DPP10: variants seen among roughly 807,000 people sequenced by gnomAD.
The protein encoded by DPP10 is dipeptidyl peptidase like 10.
DPP10 carries 33 observed loss-of-function variants against 120.9 expected under a neutral mutation model. The observed-to-expected ratio is 0.27, with a 90% CI of 0.21 to 0.37. DPP10 has a LOEUF of 0.37. DPP10 is among the 10% of genes least tolerant of loss of function. The probability of loss-of-function intolerance (pLI) is 1.00; values close to 1 mark genes in which losing one functional copy is unlikely to be tolerated. For synonymous variants in DPP10, 337 were observed against 326.1 expected (o/e 1.03, Z -0.36); for missense variants, 816 against 942.8 (o/e 0.87, Z 1.76).
intron 1 of DPP10, among the ~76,000 whole-genome samples, chr2:115,079,929 G>C (rs916443158): frequency 6.6e-6 from 1 of 152,210 alleles, no homozygotes; most frequent in South Asian, 2.1e-4. Flanking sequence ...CACATAAGGA[G>C]AGGCTTTGTG....
chr2:114,918,443 G>T (rs1385993433), intron 1 of DPP10, among the ~76,000 whole-genome samples: 1 of 152,066 alleles, frequency 6.6e-6, no homozygotes, highest in Non-Finnish European at 1.5e-5. Flanking sequence ...TCTCATTACT[G>T]GGTACTTACC....
chr2:114,592,537 G>A (rs1691547818), intron 1 of DPP10, among the ~76,000 whole-genome samples: 1 of 151,990 alleles, frequency 6.6e-6, no homozygotes, highest in Non-Finnish European at 1.5e-5. Context: ...GATTTCATGA[G>A]GAATATGCTT....
intron 1 of DPP10, among the ~76,000 whole-genome samples, chr2:114,899,881 A>T (rs1427740834): frequency 6.6e-6 from 1 of 152,178 alleles, no homozygotes; most frequent in African/African-American, 2.4e-5. Context: ...AATGGCGTGA[A>T]CCCGGGAGGT....
At chr2:114,976,973 T>C (rs1302938335) in intron 1 of DPP10, among the ~76,000 whole-genome samples, 3 of 152,202 alleles carry the variant, frequency 2.0e-5, no homozygotes, top group Non-Finnish European at 4.4e-5. Context: ...GGTCTTTTTC[T>C]TCACATTCAC....
At chr2:114,554,644 G>C (rs759512742) in intron 1 of DPP10, among the ~76,000 whole-genome samples, 11 of 152,196 alleles carry the variant, frequency 7.2e-5, no homozygotes, top group Non-Finnish European at 1.5e-4. Context: ...TGTAGGGACA[G>C]TTTCTTATAG....
chr2:115,307,604 C>T (rs1408916757), intron 1 of DPP10, among the ~76,000 whole-genome samples: 1 of 151,962 alleles, frequency 6.6e-6, no homozygotes. Context: ...ACTTTCAGAC[C>T]ACTGTAGGTT....
intron 3 of DPP10, among the ~76,000 whole-genome samples, chr2:115,482,099 A>G (rs1033190641): frequency 6.6e-6 from 1 of 151,934 alleles, no homozygotes; most frequent in African/African-American, 2.4e-5. Context: ...AATATATCTA[A>G]AGTTTTGTAT....
intron 1 of DPP10, among the ~76,000 whole-genome samples, chr2:114,822,459 T>C (rs1251691664): frequency 1.3e-5 from 2 of 152,198 alleles, no homozygotes; most frequent in Non-Finnish European, 2.9e-5. Flanking sequence ...CACAAAGGTC[T>C]CTGACATGCC....
chr2:115,797,248 C>A (rs1225310370), intron 19 of DPP10, among the ~76,000 whole-genome samples: 1 of 152,008 alleles, frequency 6.6e-6, no homozygotes, highest in Non-Finnish European at 1.5e-5. Context: ...GAATTCTCAT[C>A]AAAATGTTCA....
chr2:115,286,538 T>A (rs1259841751), intron 1 of DPP10, among the ~76,000 whole-genome samples: 5 of 113,882 alleles, frequency 4.4e-5, no homozygotes, highest in African/African-American at 1.7e-4. Context: ...TATATATATA[T>A]ATAAAATATA....
At chr2:115,560,186 C>A (rs974947107) in intron 5 of DPP10, among the ~76,000 whole-genome samples, 1 of 149,128 alleles carries the variant, frequency 6.7e-6, no homozygotes, top group Non-Finnish European at 1.5e-5. Flanking sequence ...CTGGCTAACA[C>A]GGTGAAACCC....
intron 1 of DPP10, among the ~76,000 whole-genome samples, chr2:114,497,067 A>G (rs79851073): frequency 0.071 from 10,616 of 150,382 alleles, 1,224 homozygotes; most frequent in African/African-American, 0.24. Flanking sequence ...ATATATACAT[A>G]CACATATACA....
intron 5 of DPP10, among the ~76,000 whole-genome samples, chr2:115,672,808 C>G (rs1247252450): frequency 6.6e-6 from 1 of 150,380 alleles, no homozygotes; most frequent in Non-Finnish European, 1.5e-5. Context: ...GTGCAGTGGC[C>G]TGATCTTGGT....
intron 1 of DPP10, among the ~76,000 whole-genome samples, chr2:114,683,307 G>T (rs1374674894): frequency 6.6e-6 from 1 of 151,796 alleles, no homozygotes; most frequent in African/African-American, 2.4e-5. Context: ...TGTACCAGAT[G>T]CTGTGCTAAA....
intron 3 of DPP10, among the ~76,000 whole-genome samples, chr2:115,427,306 T>C (rs2070569041): frequency 6.6e-6 from 1 of 152,302 alleles, no homozygotes; most frequent in East Asian, 1.9e-4. Context: ...CATTTCCCCA[T>C]AGCACTACCC....
chr2:115,375,622 C>T (rs2065736895), intron 3 of DPP10, among the ~76,000 whole-genome samples: 2 of 152,178 alleles, frequency 1.3e-5, no homozygotes, highest in South Asian at 2.1e-4. Flanking sequence ...TGTTCTCACA[C>T]TGCTATAAAG....
chr2:115,757,212 C>A (rs1345846671), intron 11 of DPP10, among the ~76,000 whole-genome samples: 2 of 152,026 alleles, frequency 1.3e-5, no homozygotes, highest in Admixed American at 6.6e-5. Context: ...AATACTGATA[C>A]CACAACTAGA....
At chr2:115,133,181 T>TG (rs1354970161) in intron 1 of DPP10, among the ~76,000 whole-genome samples, 5 of 97,510 alleles carry the variant, frequency 5.1e-5, no homozygotes, top group East Asian at 2.1e-4. Context: ...ATATATAGTT[T>TG]TTTTTTTTTT....
At chr2:114,778,427 T>C (rs565812821) in intron 1 of DPP10, among the ~76,000 whole-genome samples, 2 of 152,134 alleles carry the variant, frequency 1.3e-5, no homozygotes, top group Non-Finnish European at 2.9e-5. Flanking sequence ...CTAATTTCTA[T>C]AATAGCTTCA....
Sources: allele counts gnomAD v4.1 joint callset (sites outside exome capture counted in the v4.1 genomes callset), GRCh38; gene constraint gnomAD v4.1.1; transcripts MANE v1.5; gene names NCBI Gene and HGNC (gene_info 2026-07-23, HGNC 2026-07-21).